Variants in SEPTIN10 observed in about 807,000 individuals in gnomAD.
SEPTIN10 encodes the protein septin-10.
A neutral mutation model predicts 54.8 loss-of-function variants in SEPTIN10; 66 were observed. That is an observed-to-expected ratio of 1.21 (90% CI 0.99 to 1.48). The LOEUF (loss-of-function observed/expected upper bound fraction) is 1.48. SEPTIN10 is among the 40% of genes most tolerant of loss of function. The probability of loss-of-function intolerance (pLI) is 0.00; values close to 1 mark genes in which losing one functional copy is unlikely to be tolerated. For synonymous variants in SEPTIN10, 161 were observed against 181.0 expected (o/e 0.89, Z 0.89); for missense variants, 620 against 545.6 (o/e 1.14, Z -1.36).
intron 5 of SEPTIN10, among the ~76,000 whole-genome samples, chr2:109,572,288 G>A (rs1197263772): frequency 6.6e-6 from 1 of 152,068 alleles, no homozygotes; most frequent in Non-Finnish European, 1.5e-5. Context: ...ATGCCACGAC[G>A]CCCGGCTGAA....
At chr2:109,568,373 CTTT>C (rs5833333) in intron 5 of SEPTIN10, among the ~76,000 whole-genome samples, 3 of 129,168 alleles carry the variant, frequency 2.3e-5, no homozygotes, top group Non-Finnish European at 3.3e-5. Flanking sequence ...GCCACACAAT[CTTT>C]TTTTTTTTTT....
chr2:109,592,490 A>C (rs2105939438), intron 2 of SEPTIN10, among the ~76,000 whole-genome samples: 1 of 148,372 alleles, frequency 6.7e-6, no homozygotes, highest in South Asian at 2.1e-4. Context: ...ACAACGAATG[A>C]TAAAAAGAAA....
At chr2:109,576,534 A>T (rs866028528) in intron 4 of SEPTIN10, among the ~76,000 whole-genome samples, 138 of 152,326 alleles carry the variant, frequency 9.1e-4, no homozygotes, top group African/African-American at 3.3e-3. Context: ...AAGTGGTCTA[A>T]ATGTGACCCA....
At chr2:109,589,075 C>T (rs1307700096) in intron 2 of SEPTIN10, among the ~76,000 whole-genome samples, 2 of 151,632 alleles carry the variant, frequency 1.3e-5, no homozygotes, top group African/African-American at 4.8e-5. Flanking sequence ...GGATTATAGG[C>T]GCCACCACGC....
chr2:109,569,187 G>C (rs1687772903), intron 5 of SEPTIN10, among the ~76,000 whole-genome samples: 1 of 152,110 alleles, frequency 6.6e-6, no homozygotes, highest in African/African-American at 2.4e-5. Context: ...CCAGCACTTT[G>C]AAAGGCTGAG....
chr2:109,553,248 C>T (rs1409654539), intron 8 of SEPTIN10, 29 bp from the exon 9 acceptor site: 14 of 1,610,816 alleles, frequency 8.7e-6, no homozygotes, highest in Non-Finnish European at 1.2e-5. Context: ...TACTCTCCTG[C>T]TAAAAAGTGA....
At chr2:109,609,737 G>GA (rs1362792112) in intron 1 of SEPTIN10, among the ~76,000 whole-genome samples, 1 of 151,974 alleles carries the variant, frequency 6.6e-6, no homozygotes, top group African/African-American at 2.4e-5. Flanking sequence ...AACTGAGAAG[G>GA]AATGAGAAAA....
intron 8 of SEPTIN10, among the ~76,000 whole-genome samples, chr2:109,563,114 T>A (rs1384195132): frequency 6.6e-6 from 1 of 152,156 alleles, no homozygotes; most frequent in East Asian, 1.9e-4. Context: ...TTTCACCATG[T>A]TGGCCAGGCT....
At chr2:109,561,985 T>A (rs1685750412) in intron 8 of SEPTIN10, among the ~76,000 whole-genome samples, 1 of 133,790 alleles carries the variant, frequency 7.5e-6, no homozygotes, top group Non-Finnish European at 1.6e-5. Context: ...GGCCAGGAAT[T>A]CCTGACCCCA....
In SEPTIN10 at chr2:109,584,203, G is replaced by A. The variant is rs556060022; in HGVS notation, c.413+923C>T. ...TACAAAAATGGAAATAAGACTGGGCGCAGTTGCTCACGCCTGTAATCCTAG... is the reference window on the plus strand; with the variant it reads ...TACAAAAATGGAAATAAGACTGGGCACAGTTGCTCACGCCTGTAATCCTAG... On this transcript the variant is annotated intron_variant, in intron 4 of 10. Transcript: ENST00000397712. 1.4e-4 allele frequency among the ~76,000 whole-genome samples: 21 copies of A among 152,246 alleles called. No homozygotes were observed. In the South Asian group the frequency reaches 3.7e-3, roughly 27 times the overall value.
chr2:109,574,372 C>T (rs375381556), intron 5 of SEPTIN10, among the ~76,000 whole-genome samples: 16 of 144,130 alleles, frequency 1.1e-4, no homozygotes, highest in Non-Finnish European at 1.8e-4. Flanking sequence ...TTTGAGCCCA[C>T]GGGTTTGAGG....
chr2:109,578,890 A>G (rs1347525557), intron 4 of SEPTIN10, among the ~76,000 whole-genome samples: 1 of 152,232 alleles, frequency 6.6e-6, no homozygotes, highest in African/African-American at 2.4e-5. Flanking sequence ...CTGAAAATCA[A>G]TGAGAAATTG....
chr2:109,555,066 TCTC>T (rs1437721704), intron 8 of SEPTIN10, among the ~76,000 whole-genome samples: 1 of 152,178 alleles, frequency 6.6e-6, no homozygotes, highest in South Asian at 2.1e-4. Flanking sequence ...ACTGCAACAA[TCTC>T]CTAATTCATC....
chr2:109,577,670 T>A (rs991165231), intron 4 of SEPTIN10, among the ~76,000 whole-genome samples: 1 of 151,696 alleles, frequency 6.6e-6, no homozygotes, highest in African/African-American at 2.4e-5. Context: ...CCCAGCACTT[T>A]GGGAGGCCAA....
chr2:109,613,714 C>T lies in SEPTIN10; in HGVS notation c.30+84G>A, dbSNP rs540199969. On this transcript the variant is annotated intron_variant, in intron 1 of 10. Coordinates refer to ENST00000397712, the MANE Select transcript of SEPTIN10 (RefSeq NM_144710.5). ...GCGCGGGTCACAATCCCGGGCCGGA[C>T]CAGGGGGCCGGTGGGTCGAGGGCGG... 7.3e-3 allele frequency: 6,859 copies of T among 933,294 alleles called. 28 individuals carry two copies. The highest frequency in any genetic ancestry group is 8.7e-3 in the Non-Finnish European group (6,290 of 721,630). The allele number at this position is 933,294 out of a possible 1,614,324, so 57.8% of individuals were successfully genotyped here.
chr2:109,613,178 A>G, intron 1 of SEPTIN10: 1 of 1,288,802 alleles, frequency 7.8e-7, no homozygotes, highest in Non-Finnish European at 1.0e-6. Flanking sequence ...TTGTAACCAC[A>G]CTTGGAAAAC....
intron 2 of SEPTIN10, among the ~76,000 whole-genome samples, chr2:109,589,653 T>A (rs939140861): frequency 2.6e-5 from 4 of 152,190 alleles, no homozygotes; most frequent in African/African-American, 9.6e-5. Flanking sequence ...GCTGATAAAT[T>A]TGCTAGTCTG....
intron 8 of SEPTIN10, 65 bp from the exon 9 acceptor site, chr2:109,553,284 C>T (rs955483152): frequency 6.4e-7 from 1 of 1,558,696 alleles, no homozygotes; most frequent in Non-Finnish European, 8.7e-7. Context: ...GCGGCTCACG[C>T]CTGTAATCCC....
chr2:109,562,101 T>C (rs1685791692), intron 8 of SEPTIN10, among the ~76,000 whole-genome samples: 1 of 151,898 alleles, frequency 6.6e-6, no homozygotes, highest in Non-Finnish European at 1.5e-5. Flanking sequence ...TAGTCCCAGC[T>C]ACTCAGGAGG....
Sources: allele counts gnomAD v4.1 joint callset (sites outside exome capture counted in the v4.1 genomes callset), GRCh38; gene constraint gnomAD v4.1.1; transcripts MANE v1.5; gene names NCBI Gene and HGNC (gene_info 2026-07-23, HGNC 2026-07-21).